The following TEX9 variants were observed in gnomAD, a reference collection of about 807,000 sequenced individuals.
TEX9 encodes the protein testis expressed 9.
A neutral mutation model predicts 59.6 loss-of-function variants in TEX9; 74 were observed. The observed-to-expected ratio is 1.24, with a 90% CI of 1.03 to 1.51. The LOEUF (loss-of-function observed/expected upper bound fraction) is 1.51. Among genes scored for constraint, TEX9 ranks in the 40% most tolerant of loss-of-function variants. The pLI, the probability that TEX9 is intolerant of heterozygous loss-of-function variation, is 0.00. For synonymous variants in TEX9, 186 were observed against 152.2 expected (o/e 1.22, Z -1.64); for missense variants, 522 against 447.8 (o/e 1.17, Z -1.49).
At chr15:56,245,309 T>TG (rs1175814537) in intron 1 of TEX9, among the ~76,000 whole-genome samples, 2 of 152,016 alleles carry the variant, frequency 1.3e-5, no homozygotes, top group South Asian at 2.1e-4. Flanking sequence ...GGGTTGAGGG[T>TG]GGGGGTGCAG....
intron 1 of TEX9, among the ~76,000 whole-genome samples, chr15:56,309,687 T>C (rs1316616109): frequency 3.5e-5 from 5 of 142,636 alleles, no homozygotes; most frequent in East Asian, 4.4e-4. Context: ...GGGATTTTTA[T>C]GGGAAGTTTT....
intron 12 of TEX9, among the ~76,000 whole-genome samples, chr15:56,433,416 T>TTAAAA (rs5812836): frequency 1 from 151,800 of 151,926 alleles, 75,837 homozygotes; most frequent in Middle Eastern, 1. Context: ...ATCCTGGAAC[T>TTAAAA]TAAAAATATT....
rs2046280779 is a variant in TEX9, at chr15:56,337,605, C to G, written c.-106-35836C>G. ...AGGCACCAGGGAAGACCCCTTCCTT[C>G]TTACTGTTCATCTTCATTATAGATG... On this transcript the variant is annotated intron_variant, in intron 1 of 5. Coordinates refer to the TEX9 transcript ENST00000560827. 2.6e-5 allele frequency among the ~76,000 whole-genome samples: 4 copies of G among 152,310 alleles called. No homozygotes were observed. In the South Asian group the frequency reaches 8.3e-4, roughly 32 times the overall value.
the TEX9 span, among the ~76,000 whole-genome samples, chr15:56,455,959 G>A: frequency 9.9e-5 from 15 of 152,032 alleles, no homozygotes; most frequent in Non-Finnish European, 1.9e-4. Flanking sequence ...TAAAACAATG[G>A]GGGGGAAGAT....
At chr15:56,404,539 T>C (rs1399641396) in intron 9 of TEX9, among the ~76,000 whole-genome samples, 4 of 152,136 alleles carry the variant, frequency 2.6e-5, no homozygotes, top group African/African-American at 9.7e-5. Flanking sequence ...GTTGGCAGAG[T>C]GTAAATTAGT....
At chr15:56,291,192 A>G (rs2045080424) in intron 1 of TEX9, among the ~76,000 whole-genome samples, 1 of 152,212 alleles carries the variant, frequency 6.6e-6, no homozygotes, top group Admixed American at 6.5e-5. Context: ...ACCCTTTTCT[A>G]AATACATATG....
chr15:56,302,362 C>CACACAT (rs1555431762), intron 1 of TEX9, among the ~76,000 whole-genome samples: 1 of 139,018 alleles, frequency 7.2e-6, no homozygotes, highest in East Asian at 2.0e-4. Flanking sequence ...CACACACACA[C>CACACAT]GAACATAAAA....
At chr15:56,375,464 T>C (rs1567107125) in intron 3 of TEX9, among the ~76,000 whole-genome samples, 1 of 152,044 alleles carries the variant, frequency 6.6e-6, no homozygotes, top group Non-Finnish European at 1.5e-5. Context: ...ATTTTGTAGG[T>C]TGCCTGTTCA....
the TEX9 span, among the ~76,000 whole-genome samples, chr15:56,460,009 A>AAAAAAAAAAAATATATATATATATATAT: frequency 3.8e-4 from 10 of 26,380 alleles, 2 homozygotes; most frequent in Non-Finnish European, 4.9e-4. Flanking sequence ...AAAAAAAAAA[A>AAAAAAAAAAAATATATATATATATATAT]ATACATATAT....
intron 12 of TEX9, among the ~76,000 whole-genome samples, chr15:56,435,547 T>A (rs1276263817): frequency 6.6e-6 from 1 of 151,984 alleles, no homozygotes; most frequent in Admixed American, 6.6e-5. Context: ...CAAATTATTA[T>A]ACACACATAA....
chr15:56,302,782 G>A (rs902498300), intron 1 of TEX9, among the ~76,000 whole-genome samples: 1 of 152,116 alleles, frequency 6.6e-6, no homozygotes, highest in Non-Finnish European at 1.5e-5. Flanking sequence ...GATTAACAAA[G>A]AAGACCCAAT....
chr15:56,335,653 T>C (rs2046243444), intron 1 of TEX9, among the ~76,000 whole-genome samples: 1 of 152,120 alleles, frequency 6.6e-6, no homozygotes, highest in South Asian at 2.1e-4. Context: ...AAGAATATAG[T>C]TGGATTTTGG....
At chr15:56,443,809 A>G (rs1567151161) in intron 12 of TEX9, 5 of 1,608,250 alleles carry the variant, frequency 3.1e-6, no homozygotes, top group Non-Finnish European at 3.4e-6. Context: ...ACTCTTCTAT[A>G]TACCTTCGCA....
At chr15:56,368,284 A>G (rs1380696017) in intron 2 of TEX9, among the ~76,000 whole-genome samples, 1 of 152,114 alleles carries the variant, frequency 6.6e-6, no homozygotes, top group Non-Finnish European at 1.5e-5. Context: ...CTACAAAGGC[A>G]GGTTTCTTGT....
intron 2 of TEX9, among the ~76,000 whole-genome samples, chr15:56,372,645 A>G (rs1416073105): frequency 6.6e-6 from 1 of 152,208 alleles, no homozygotes; most frequent in Non-Finnish European, 1.5e-5. Flanking sequence ...TATTCCTTTT[A>G]TATTGCTGTG....
chr15:56,452,559 C>T, the TEX9 span, among the ~76,000 whole-genome samples: 1 of 150,920 alleles, frequency 6.6e-6, no homozygotes, highest in African/African-American at 2.4e-5. Context: ...CTCTCTGTCG[C>T]CCAGGCTGGA....
intron 1 of TEX9, among the ~76,000 whole-genome samples, chr15:56,255,611 A>G (rs1250633541): frequency 6.6e-6 from 1 of 152,142 alleles, no homozygotes; most frequent in Non-Finnish European, 1.5e-5. Context: ...ATAATGCGAA[A>G]AGGGTTTGAC....
At chr15:56,285,629 G>C (rs556605950) in intron 1 of TEX9, among the ~76,000 whole-genome samples, 4 of 152,216 alleles carry the variant, frequency 2.6e-5, no homozygotes, top group African/African-American at 9.6e-5. Context: ...TGGCCTGCTA[G>C]TTCCTTAAAA....
intron 1 of TEX9, among the ~76,000 whole-genome samples, chr15:56,347,004 C>T (rs1268272618): frequency 1.3e-5 from 2 of 152,170 alleles, no homozygotes; most frequent in Non-Finnish European, 2.9e-5. Context: ...AAAAGAAATA[C>T]TTAGGTGTAA....
Sources: gnomAD v4.1 joint callset for allele counts (sites outside exome capture counted in the v4.1 genomes callset) on GRCh38, gnomAD v4.1.1 for gene constraint, MANE v1.5 for transcripts, NCBI Gene and HGNC (gene_info 2026-07-23, HGNC 2026-07-21) for gene names.